The following TBC1D22A variants were observed in gnomAD, a reference collection of about 807,000 sequenced individuals.
TBC1D22A encodes putative GTPase activator.
A neutral mutation model predicts 60.2 loss-of-function variants in TBC1D22A; 38 were observed. The observed-to-expected ratio is 0.63, with a 90% CI of 0.49 to 0.83. The LOEUF (loss-of-function observed/expected upper bound fraction) is 0.83. TBC1D22A is among the 40% of genes least tolerant of loss of function. The pLI, the probability that TBC1D22A is intolerant of heterozygous loss-of-function variation, is 0.00. For synonymous variants in TBC1D22A, 302 were observed against 281.7 expected (o/e 1.07, Z -0.72); for missense variants, 628 against 701.0 (o/e 0.90, Z 1.18).
At chr22:47,114,001 T>C (rs1347385304) in intron 12 of TBC1D22A, among the ~76,000 whole-genome samples, 1 of 152,170 alleles carries the variant, frequency 6.6e-6, no homozygotes, top group Non-Finnish European at 1.5e-5. Flanking sequence ...GAAACGGAAT[T>C]GATGGCAGCC....
At chr22:46,948,700 T>C (rs1340372662) in intron 8 of TBC1D22A, among the ~76,000 whole-genome samples, 1 of 152,242 alleles carries the variant, frequency 6.6e-6, no homozygotes, top group Non-Finnish European at 1.5e-5. Context: ...CTGCAATTTC[T>C]CAAGAAGAAA....
chr22:46,817,127 T>G (rs1601989751), intron 4 of TBC1D22A, among the ~76,000 whole-genome samples: 1 of 152,332 alleles, frequency 6.6e-6, no homozygotes, highest in South Asian at 2.1e-4. Context: ...CTTAAAATTT[T>G]TTTTTCCTTT....
chr22:47,021,413 C>T (rs538327953), intron 10 of TBC1D22A, among the ~76,000 whole-genome samples: 28 of 149,478 alleles, frequency 1.9e-4, no homozygotes, highest in Middle Eastern at 3.6e-3. Context: ...CACCTGTAGC[C>T]TGGAGCCCTG....
chr22:47,173,802 C>A lies in TBC1D22A; in HGVS notation c.*176C>A. 9.8e-7 allele frequency: 1 copy of A among 1,018,050 alleles called. No individual in the cohort carries two copies. The highest frequency in any genetic ancestry group is 1.4e-6 in the Non-Finnish European group (1 of 718,014). 63.1% of individuals were successfully genotyped at this position (1,018,050 alleles called of 1,614,324 possible). Reference sequence around the variant, plus strand: ...AGACCTGGTCTAGGGCTGACAAAGACAGGGACAGCCTTTGTTTTCTGAGAT... The same window carrying A: ...AGACCTGGTCTAGGGCTGACAAAGAAAGGGACAGCCTTTGTTTTCTGAGAT... On this transcript the variant is annotated 3_prime_UTR_variant, in exon 13 of 13. Transcript: ENST00000337137.
intron 7 of TBC1D22A, among the ~76,000 whole-genome samples, chr22:46,899,175 G>C (rs1350392712): frequency 6.6e-6 from 1 of 152,124 alleles, no homozygotes; most frequent in Non-Finnish European, 1.5e-5. Flanking sequence ...GGCCGGGCGT[G>C]GTGGCTCACA....
At chr22:46,921,559 ATG>A (rs1307247420) in intron 8 of TBC1D22A, among the ~76,000 whole-genome samples, 1 of 152,200 alleles carries the variant, frequency 6.6e-6, no homozygotes, top group Non-Finnish European at 1.5e-5. Context: ...ATACACGTGT[ATG>A]TGTCTTTATG....
chr22:47,137,787 G>A (rs2066928056), intron 12 of TBC1D22A, among the ~76,000 whole-genome samples: 1 of 152,346 alleles, frequency 6.6e-6, no homozygotes, highest in East Asian at 1.9e-4. Context: ...TTGGAGTGAG[G>A]AGTGTGGGGT....
At chr22:47,068,383 T>C (rs1352250587) in intron 11 of TBC1D22A, among the ~76,000 whole-genome samples, 1 of 152,216 alleles carries the variant, frequency 6.6e-6, no homozygotes, top group Non-Finnish European at 1.5e-5. Flanking sequence ...AAGGAAGTCA[T>C]GTTTCTTTCT....
At chr22:46,929,955 G>A (rs970926471) in intron 8 of TBC1D22A, among the ~76,000 whole-genome samples, 16 of 152,138 alleles carry the variant, frequency 1.1e-4, no homozygotes, top group African/African-American at 3.9e-4. Context: ...GCAGTAGAGA[G>A]CTCAGTTTGG....
At chr22:47,019,477 G>A (rs1193111989) in intron 10 of TBC1D22A, among the ~76,000 whole-genome samples, 1 of 152,208 alleles carries the variant, frequency 6.6e-6, no homozygotes, top group Non-Finnish European at 1.5e-5. Context: ...AGTTGAAGAA[G>A]TGTCCAGAGA....
chr22:46,976,093 T>C lies in TBC1D22A; in HGVS notation c.1125+1694T>C, dbSNP rs370477729. Among the ~76,000 whole-genome samples, 9 of 152,376 alleles carry C rather than the reference T, an allele frequency of 5.9e-5. No individual in the cohort carries two copies. The East Asian group carries it at 1.2e-3, about 20-fold the overall frequency. The stretch of plus-strand genomic sequence containing the variant: ...AGGATTGAATCATAATGTAAAACTT[T>C]ATAAATTTCAAATGTCGCTTCTCTG... On this transcript the variant is annotated intron_variant, in intron 9 of 12. Transcript: ENST00000337137.
intron 8 of TBC1D22A, among the ~76,000 whole-genome samples, chr22:46,944,055 A>G (rs762668288): frequency 6.6e-6 from 1 of 152,200 alleles, no homozygotes; most frequent in Admixed American, 6.5e-5. Context: ...TTCTCTTGAG[A>G]TATACCTAGG....
chr22:46,898,215 C>T (rs983031480), intron 7 of TBC1D22A, among the ~76,000 whole-genome samples: 8 of 152,138 alleles, frequency 5.3e-5, no homozygotes, highest in African/African-American at 1.9e-4. Flanking sequence ...GAGTGTGGAC[C>T]CTGAGTCACG....
At position 46,997,709 on chromosome 22, in the gene TBC1D22A, G is replaced by A. The variant is rs752533977; in HGVS notation, c.1201G>A (p.Glu401Lys). 1 of 1,613,854 alleles carries A rather than the reference G, an allele frequency of 6.2e-7. No individual in the cohort carries two copies. Among genetic ancestry groups the A allele is most frequent in the African/African-American group, 1.3e-5 (1 of 74,938 alleles). The change falls in exon 10 of 13, where the codon GAG becomes AAG. Residue 401 changes from glutamate to lysine, a missense_variant and splice_region_variant. Coordinates refer to ENST00000337137, the MANE Select transcript of TBC1D22A (RefSeq NM_014346.5). ...MLEELVSRID[E>K]QVHRHLDQHE... ...AGAAGAACTCGTGAGCCGGATTGATGGTAAGCCAGCTTCCCGCGCAGCCCC... is the reference window on the plus strand; with the variant it reads ...AGAAGAACTCGTGAGCCGGATTGATAGTAAGCCAGCTTCCCGCGCAGCCCC...
rs2147244465 is a variant in TBC1D22A at position 46,845,238 on chromosome 22, C to T, written c.638-33415C>T. ...TCTCTCCTCTTAGCTGATTAGATTCCATCTTTCTCTGTGCTTGAGACGTAA... is the reference window on the plus strand; with the variant it reads ...TCTCTCCTCTTAGCTGATTAGATTCTATCTTTCTCTGTGCTTGAGACGTAA... On this transcript the variant is annotated intron_variant, in intron 4 of 12. Transcript: ENST00000337137. 2.0e-5 allele frequency among the ~76,000 whole-genome samples: 3 copies of T among 152,296 alleles called. No homozygotes were observed. In the South Asian group the frequency reaches 6.2e-4, roughly 32 times the overall value.
At chr22:46,941,938 C>T (rs1602585728) in intron 8 of TBC1D22A, among the ~76,000 whole-genome samples, 2 of 53,276 alleles carry the variant, frequency 3.8e-5, no homozygotes, top group African/African-American at 9.6e-5. Flanking sequence ...TATGTATACA[C>T]ACACACACAC....
At chr22:47,011,254 G>A (rs956146474) in intron 10 of TBC1D22A, among the ~76,000 whole-genome samples, 47 of 152,182 alleles carry the variant, frequency 3.1e-4, no homozygotes, top group African/African-American at 9.4e-4. Flanking sequence ...GGACTTGCCT[G>A]TCTCTGCTCC....
chr22:47,038,744 A>G (rs1383903102), intron 11 of TBC1D22A, among the ~76,000 whole-genome samples: 1 of 152,112 alleles, frequency 6.6e-6, no homozygotes, highest in Non-Finnish European at 1.5e-5. Flanking sequence ...TGGTCTAATG[A>G]TCTCACTACG....
At chr22:46,984,405 A>AAAAAAAAAAAAAAAAAG (rs1569304186) in intron 9 of TBC1D22A, among the ~76,000 whole-genome samples, 1 of 135,242 alleles carries the variant, frequency 7.4e-6, no homozygotes, top group Non-Finnish European at 1.6e-5. Flanking sequence ...AAAAAAAAAA[A>AAAAAAAAAAAAAAAAAG]AGAGAAGTTC....
Sources: allele counts gnomAD v4.1 joint callset (sites outside exome capture counted in the v4.1 genomes callset), GRCh38; gene constraint gnomAD v4.1.1; transcripts MANE v1.5; gene names NCBI Gene and HGNC (gene_info 2026-07-23, HGNC 2026-07-21).